Variants in VPS50 observed in about 807,000 individuals in gnomAD.
VPS50 encodes the protein syndetin.
VPS50 carries 70 observed loss-of-function variants against 139.7 expected under a neutral mutation model. The ratio of observed to expected loss-of-function variants is 0.50; its 90% CI spans 0.41 to 0.61. VPS50 has a LOEUF of 0.61. Ranked by LOEUF, VPS50 falls within the 20% of genes least tolerant of loss-of-function variation. The pLI is 0.00. For missense variants in VPS50, 921 were observed against 1,133.7 expected (o/e 0.81, Z 2.69); for synonymous variants, 365 against 376.7 (o/e 0.97, Z 0.36).
At chr7:93,297,741 A>C (rs1364470912) in intron 16 of VPS50, among the ~76,000 whole-genome samples, 2 of 152,160 alleles carry the variant, frequency 1.3e-5, no homozygotes, top group African/African-American at 4.8e-5. Context: ...GCTAATATTT[A>C]AAAGAGTGAC....
intron 9 of VPS50, among the ~76,000 whole-genome samples, chr7:93,270,290 G>A (rs1029712500): frequency 1.3e-5 from 2 of 151,732 alleles, no homozygotes; most frequent in East Asian, 1.9e-4. Flanking sequence ...CAAACTTCTC[G>A]CATGTCTCAT....
chr7:93,353,887 A>G, intron 26 of VPS50, 126 bp downstream of exon 26: 2 of 744,714 alleles, frequency 2.7e-6, no homozygotes, highest in Non-Finnish European at 4.2e-6. Flanking sequence ...AGTTTGGGAT[A>G]TAATTAGAGA....
At chr7:93,310,725 T>A (rs1490905832) in intron 19 of VPS50, among the ~76,000 whole-genome samples, 1 of 152,034 alleles carries the variant, frequency 6.6e-6, no homozygotes, top group Non-Finnish European at 1.5e-5. Context: ...GGCCCTTTTT[T>A]CTGTGCTGAC....
chr7:93,328,155 G>A (rs1258503565), intron 21 of VPS50, among the ~76,000 whole-genome samples: 3 of 152,060 alleles, frequency 2.0e-5, no homozygotes, highest in African/African-American at 7.2e-5. Flanking sequence ...TCATGGTATT[G>A]CTTTATCTTG....
intron 2 of VPS50, among the ~76,000 whole-genome samples, chr7:93,240,439 CT>C (rs1458401093): frequency 6.6e-6 from 1 of 152,092 alleles, no homozygotes; most frequent in African/African-American, 2.4e-5. Flanking sequence ...TATAACTTAT[CT>C]CCTAGATTGT....
chr7:93,305,768 G>T (rs888322945), intron 17 of VPS50, 60 bp from the exon 18 acceptor site: 7 of 1,249,394 alleles, frequency 5.6e-6, no homozygotes, highest in Non-Finnish European at 8.2e-6. Flanking sequence ...GAGGGATTCG[G>T]TTTATGTACT....
At chr7:93,260,299 A>G (rs1463455268) in intron 9 of VPS50, among the ~76,000 whole-genome samples, 4 of 152,188 alleles carry the variant, frequency 2.6e-5, no homozygotes, top group Non-Finnish European at 5.9e-5. Context: ...TGTAATTTCC[A>G]ACATTCCTCT....
At chr7:93,309,943 GAAAT>G in intron 19 of VPS50, among the ~76,000 whole-genome samples, 1 of 151,932 alleles carries the variant, frequency 6.6e-6, no homozygotes. Flanking sequence ...AATCTCGACT[GAAAT>G]AATTCTGTTT....
At chr7:93,353,550 T>C (rs1798616174) in intron 25 of VPS50, 90 bp from the exon 26 acceptor site, 8 of 1,405,454 alleles carry the variant, frequency 5.7e-6, no homozygotes, top group African/African-American at 1.4e-5. Context: ...TCTGAGTCTT[T>C]CTAAATCTTT....
chr7:93,297,336 C>T (rs992508310), intron 16 of VPS50, 93 bp downstream of exon 16: 1 of 1,250,580 alleles, frequency 8.0e-7, no homozygotes, highest in African/African-American at 1.6e-5. Flanking sequence ...TGATTTTAAA[C>T]AATTACTTTT....
At chr7:93,280,886 A>G (rs1796305700) in intron 12 of VPS50, among the ~76,000 whole-genome samples, 1 of 152,138 alleles carries the variant, frequency 6.6e-6, no homozygotes, top group African/African-American at 2.4e-5. Flanking sequence ...ATGTAAAAAT[A>G]TACTCTCTCT....
chr7:93,316,905 T>A (rs1797444773), intron 20 of VPS50, among the ~76,000 whole-genome samples: 1 of 152,172 alleles, frequency 6.6e-6, no homozygotes, highest in Admixed American at 6.5e-5. Context: ...CTCTTAACAA[T>A]TTGAGTTCAT....
intron 1 of VPS50, among the ~76,000 whole-genome samples, chr7:93,237,845 A>G (rs1343857556): frequency 1.3e-5 from 2 of 152,130 alleles, no homozygotes; most frequent in Non-Finnish European, 2.9e-5. Context: ...TTGTCACCCA[A>G]GTATTAAGCC....
chr7:93,248,414 T>C (rs1337605291), intron 2 of VPS50, among the ~76,000 whole-genome samples: 1 of 152,072 alleles, frequency 6.6e-6, no homozygotes, highest in Non-Finnish European at 1.5e-5. Flanking sequence ...TCTATTAAAT[T>C]ATGTAGTAAT....
At chr7:93,253,417 C>CT (rs1332995837) in intron 3 of VPS50, among the ~76,000 whole-genome samples, 1 of 152,122 alleles carries the variant, frequency 6.6e-6, no homozygotes, top group African/African-American at 2.4e-5. Context: ...CACAGTAGTA[C>CT]TTATGGTTTG....
At chr7:93,344,588 T>A (rs948074867) in intron 23 of VPS50, among the ~76,000 whole-genome samples, 1 of 151,714 alleles carries the variant, frequency 6.6e-6, no homozygotes, top group Non-Finnish European at 1.5e-5. Context: ...GAAGTAAAGC[T>A]CTCCTCAGCA....
At chr7:93,324,997 A>C (rs1358742631) in intron 21 of VPS50, among the ~76,000 whole-genome samples, 2 of 151,592 alleles carry the variant, frequency 1.3e-5, no homozygotes, top group East Asian at 1.9e-4. Context: ...AGTCAATCCT[A>C]AGCCAAAAGA....
intron 4 of VPS50, among the ~76,000 whole-genome samples, chr7:93,254,786 A>T (rs1171092590): frequency 6.6e-6 from 1 of 152,142 alleles, no homozygotes; most frequent in Non-Finnish European, 1.5e-5. Context: ...TTCAAACTCT[A>T]CTGTAGGGAT....
In VPS50 at chr7:93,240,366, A is replaced by G. The variant is rs117558173; in HGVS notation, c.102+432A>G. ...ATTCTGTGCCAAAAATCATGATTAT[A>G]TTTTTGTTGTGGAGCAGAGGTTTTT... On this transcript the variant is annotated intron_variant, in intron 2 of 27. Transcript: ENST00000305866. 1.8e-4 allele frequency among the ~76,000 whole-genome samples: 28 copies of G among 152,118 alleles called. No individual in the cohort carries two copies. In the East Asian group the frequency reaches 4.4e-3, roughly 24 times the overall value.
Sources: allele counts gnomAD v4.1 joint callset (sites outside exome capture counted in the v4.1 genomes callset), GRCh38; gene constraint gnomAD v4.1.1; transcripts MANE v1.5; gene names NCBI Gene and HGNC (gene_info 2026-07-23, HGNC 2026-07-21).